CORO2B: variants seen among roughly 807,000 people sequenced by gnomAD.
The protein encoded by CORO2B is coronin 2B.
CORO2B carries 26 observed loss-of-function variants against 58.8 expected under a neutral mutation model. The ratio of observed to expected loss-of-function variants is 0.44; its 90% CI spans 0.32 to 0.61. The LOEUF (loss-of-function observed/expected upper bound fraction) is 0.61. CORO2B is among the 20% of genes least tolerant of loss of function. The probability of loss-of-function intolerance (pLI) is 0.04; values close to 1 mark genes in which losing one functional copy is unlikely to be tolerated. For missense variants in CORO2B, 460 were observed against 645.1 expected, an observed-to-expected ratio of 0.71 and a Z score of 3.11; for synonymous variants, 242 against 253.8, an observed-to-expected ratio of 0.95 and a Z score of 0.44.
intron 1 of CORO2B, among the ~76,000 whole-genome samples, chr15:68,595,283 G>A (rs117249052): frequency 6.6e-6 from 1 of 152,206 alleles, no homozygotes; most frequent in Non-Finnish European, 1.5e-5. Context: ...CTCCAGCTAA[G>A]CCCTGCTGTC....
At chr15:68,676,509 T>C (rs1259251237) in intron 2 of CORO2B, among the ~76,000 whole-genome samples, 1 of 152,152 alleles carries the variant, frequency 6.6e-6, no homozygotes, top group Non-Finnish European at 1.5e-5. Flanking sequence ...GCCAGACACC[T>C]CCATACACTG....
At chr15:68,568,995 T>G in the CORO2B span, among the ~76,000 whole-genome samples, 1 of 151,982 alleles carries the variant, frequency 6.6e-6, no homozygotes, top group Non-Finnish European at 1.5e-5. Context: ...AAATAAAAAT[T>G]TTAAAAAGCA....
intron 1 of CORO2B, among the ~76,000 whole-genome samples, chr15:68,603,137 T>C (rs1337690084): frequency 6.6e-6 from 1 of 151,778 alleles, no homozygotes; most frequent in African/African-American, 2.4e-5. Flanking sequence ...GAGAAGTGGG[T>C]AGGTTGGCTG....
intron 1 of CORO2B, among the ~76,000 whole-genome samples, chr15:68,588,146 T>G (rs1899614849): frequency 6.6e-6 from 1 of 152,234 alleles, no homozygotes; most frequent in African/African-American, 2.4e-5. Context: ...TGCCCACTCC[T>G]TTCCTCTTCC....
At chr15:68,720,618 G>C (rs1213158533) in intron 11 of CORO2B, among the ~76,000 whole-genome samples, 1 of 152,106 alleles carries the variant, frequency 6.6e-6, no homozygotes, top group Admixed American at 6.5e-5. Flanking sequence ...TTTCTCCTTG[G>C]GCTGTTGGCC....
intron 2 of CORO2B, among the ~76,000 whole-genome samples, chr15:68,674,637 C>T (rs1902515376): frequency 6.6e-6 from 1 of 152,200 alleles, no homozygotes; most frequent in South Asian, 2.1e-4. Context: ...GGGCCCTGAC[C>T]GCCAGAGAAA....
At chr15:68,550,313 C>T in the CORO2B span, among the ~76,000 whole-genome samples, 2 of 152,178 alleles carry the variant, frequency 1.3e-5, no homozygotes, top group African/African-American at 4.8e-5. Context: ...CCACCTTTGT[C>T]ATTGACTTGC....
At chr15:68,541,493 T>A in the CORO2B span, among the ~76,000 whole-genome samples, 4 of 152,160 alleles carry the variant, frequency 2.6e-5, no homozygotes, top group Non-Finnish European at 5.9e-5. Flanking sequence ...TGGATCATCA[T>A]ACAACACAAG....
chr15:68,697,303 T>C (rs1892538579), intron 3 of CORO2B, among the ~76,000 whole-genome samples: 1 of 152,082 alleles, frequency 6.6e-6, no homozygotes, highest in Non-Finnish European at 1.5e-5. Flanking sequence ...TGATGATGGA[T>C]AGATGAATGA....
Position 68,645,039 on chromosome 15 carries a change from G to T in CORO2B, c.16-121G>T. 2 of 942,412 alleles carry T rather than the reference G, an allele frequency of 2.1e-6. No individual in the cohort carries two copies. The highest frequency in any genetic ancestry group is 2.6e-5 in the East Asian group (1 of 37,780). The allele number at this position is 942,412 out of a possible 1,614,324, so 58.4% of individuals were successfully genotyped here. On this transcript the variant is annotated intron_variant, in intron 1 of 11. Coordinates refer to ENST00000261861, the MANE Select transcript of CORO2B (RefSeq NM_006091.5). The surrounding 1 kb of genome is among the most constrained non-coding windows in gnomAD (Gnocchi z 4.5). ...TCCTTTCCATCTCTTCCTGACAGGG[G>T]ACCCAGGGCCTGCTCACCTGCTGCA...
In CORO2B at chr15:68,715,393, G is replaced by A. The variant is rs2140330636; in HGVS notation, c.967+82G>A. The A allele has an allele frequency of 2.0e-6, 2 of 998,750 alleles. 1 individual carries two copies. Among genetic ancestry groups the A allele is most frequent in the Non-Finnish European group, 3.1e-6 (2 of 644,128 alleles). 61.9% of individuals were successfully genotyped at this position (998,750 alleles called of 1,614,324 possible). A position where few individuals can be genotyped will look rare whatever the true frequency, so the allele number is the denominator to read the frequency against. Reference sequence around the variant, plus strand: ...GCCCATGGGTCACCCCCTCCCTTAAGTGGAAAATCAGACTCAGAAGGCCAT... The same window carrying A: ...GCCCATGGGTCACCCCCTCCCTTAAATGGAAAATCAGACTCAGAAGGCCAT... On this transcript the variant is annotated intron_variant, in intron 8 of 11. Coordinates refer to ENST00000261861, the MANE Select transcript of CORO2B (RefSeq NM_006091.5).
intron 8 of CORO2B, among the ~76,000 whole-genome samples, chr15:68,718,205 C>T (rs550865099): frequency 3.3e-5 from 5 of 152,316 alleles, no homozygotes; most frequent in African/African-American, 9.6e-5. Flanking sequence ...AACAGAACAG[C>T]AATCTTAGGC....
chr15:68,715,943 A>G (rs1893022104), intron 8 of CORO2B, among the ~76,000 whole-genome samples: 1 of 152,234 alleles, frequency 6.6e-6, no homozygotes. Flanking sequence ...TCACCCAATG[A>G]AACACCTATT....
At chr15:68,707,746 G>T (rs1045115660) in intron 3 of CORO2B, among the ~76,000 whole-genome samples, 5 of 152,160 alleles carry the variant, frequency 3.3e-5, no homozygotes, top group African/African-American at 1.2e-4. Flanking sequence ...CCAGCTTCAG[G>T]GTCACCTTTC....
At chr15:68,703,478 T>A (rs956058848) in intron 3 of CORO2B, among the ~76,000 whole-genome samples, 2 of 152,274 alleles carry the variant, frequency 1.3e-5, no homozygotes, top group African/African-American at 4.8e-5. Flanking sequence ...ACTGTCCTGT[T>A]CTTCCCCACG....
At chr15:68,569,868 G>T in the CORO2B span, among the ~76,000 whole-genome samples, 8 of 152,176 alleles carry the variant, frequency 5.3e-5, no homozygotes, top group African/African-American at 1.9e-4. Context: ...AGAGTGAAAG[G>T]CTTGCCCAGG....
the CORO2B span, among the ~76,000 whole-genome samples, chr15:68,553,098 A>C: frequency 3.9e-5 from 6 of 152,234 alleles, no homozygotes; most frequent in Non-Finnish European, 8.8e-5. Context: ...AGACGAGTCA[A>C]AGGACAGTCA....
the CORO2B span, among the ~76,000 whole-genome samples, chr15:68,525,259 CA>C: frequency 6.6e-6 from 1 of 152,176 alleles, no homozygotes; most frequent in Non-Finnish European, 1.5e-5. Context: ...ACTCAAAATT[CA>C]GGGGGGACGG....
At chr15:68,541,226 C>T in the CORO2B span, among the ~76,000 whole-genome samples, 1,739 of 73,570 alleles carry the variant, frequency 0.024, 68 homozygotes, top group Admixed American at 0.19. Context: ...CAGAGCCAGA[C>T]CCTGTCTCAA....
Sources: gnomAD v4.1 joint callset for allele counts (sites outside exome capture counted in the v4.1 genomes callset) on GRCh38, gnomAD v4.1.1 for gene constraint, Gnocchi (gnomAD v3.1) non-coding constraint, MANE v1.5 for transcripts, NCBI Gene and HGNC (gene_info 2026-07-23, HGNC 2026-07-21) for gene names.